Variants in SHANK2 observed in about 807,000 individuals in gnomAD.
SHANK2 encodes SH3 and multiple ankyrin repeat domains protein 2.
A neutral mutation model predicts 133.7 loss-of-function variants in SHANK2; 43 were observed. The observed-to-expected ratio is 0.32, with a 90% CI of 0.25 to 0.41. The LOEUF is 0.41. Among genes scored for constraint, SHANK2 ranks in the 10% least tolerant of loss-of-function variants. The probability of loss-of-function intolerance (pLI) is 1.00; values close to 1 mark genes in which losing one functional copy is unlikely to be tolerated. For synonymous variants in SHANK2, 1,017 were observed against 952.8 expected (o/e 1.07, Z -1.24); for missense variants, 1,994 against 2,235.8 (o/e 0.89, Z 2.18).
intron 9 of SHANK2, among the ~76,000 whole-genome samples, chr11:71,069,557 T>C (rs1390163314): frequency 1.3e-5 from 2 of 152,216 alleles, no homozygotes; most frequent in African/African-American, 4.8e-5. Context: ...ACTGAGCATC[T>C]ACTATGTTCC....
At chr11:70,728,739 GA>G (rs1381478012) in intron 14 of SHANK2, among the ~76,000 whole-genome samples, 1 of 152,120 alleles carries the variant, frequency 6.6e-6, no homozygotes, top group Non-Finnish European at 1.5e-5. Flanking sequence ...TTGCTTTAAA[GA>G]AAAACAAAAA....
At chr11:70,608,097 C>A (rs893392160) in intron 17 of SHANK2, among the ~76,000 whole-genome samples, 5 of 152,192 alleles carry the variant, frequency 3.3e-5, no homozygotes, top group Non-Finnish European at 7.4e-5. Flanking sequence ...GGTAAATGTG[C>A]CAGCTGCTCT....
At position 71,110,022 on chromosome 11, in the gene SHANK2, T is replaced by C. The variant is rs1188511095; in HGVS notation, c.511A>G (p.Ile171Val). 6.4e-7 allele frequency: 1 copy of C among 1,551,514 alleles called. No individual in the cohort carries two copies. Among genetic ancestry groups the C allele is most frequent in the Non-Finnish European group, 8.7e-7 (1 of 1,146,730 alleles). ...ATCTTCTCCACCAAGCGATGCTGAATGTGATCCATGCATTTCTTCAGATTG... is the reference window on the plus strand; with the variant it reads ...ATCTTCTCCACCAAGCGATGCTGAACGTGATCCATGCATTTCTTCAGATTG... Reference protein sequence around the residue: ...KTNLKKCMDHIQHRLVEKITK... With the variant: ...KTNLKKCMDHVQHRLVEKITK... Residue 171 changes from isoleucine (I) to valine (V), a missense_variant, in exon 6 of 26, where the codon ATT (isoleucine) becomes GTT (valine). Coordinates refer to ENST00000601538, the MANE Select transcript of SHANK2 (RefSeq NM_012309.5).
At chr11:70,585,081 C>T (rs115857869) in intron 17 of SHANK2, among the ~76,000 whole-genome samples, 1,976 of 152,322 alleles carry the variant, frequency 0.013, 52 homozygotes, top group African/African-American at 0.045. Flanking sequence ...TGGTGAATAC[C>T]GCCTCGCAGC....
intron 17 of SHANK2, among the ~76,000 whole-genome samples, chr11:70,567,293 T>C (rs968256732): frequency 6.6e-6 from 1 of 152,162 alleles, no homozygotes; most frequent in Non-Finnish European, 1.5e-5. Flanking sequence ...AAGGACATCA[T>C]GAGGATGAGC....
intron 12 of SHANK2, among the ~76,000 whole-genome samples, chr11:70,813,604 T>C (rs951279659): frequency 4.6e-5 from 7 of 151,952 alleles, no homozygotes; most frequent in Non-Finnish European, 8.8e-5. Flanking sequence ...ACGCAGAAGA[T>C]GGCAGTAGGG....
intron 16 of SHANK2, 44 bp downstream of exon 16, chr11:70,661,552 C>CACACACACACAAAA (rs2061491385): frequency 8.2e-7 from 1 of 1,225,416 alleles, no homozygotes; most frequent in Non-Finnish European, 1.2e-6. Context: ...CACACACACA[C>CACACACACACAAAA]ACAAACATGG....
chr11:70,790,134 G>T (rs1947757163), intron 14 of SHANK2, among the ~76,000 whole-genome samples: 1 of 152,232 alleles, frequency 6.6e-6, no homozygotes, highest in East Asian at 1.9e-4. Context: ...ATCAACAGGG[G>T]CACCCCTGAT....
At chr11:71,144,341 T>G (rs1952607700) in intron 3 of SHANK2, among the ~76,000 whole-genome samples, 1 of 152,192 alleles carries the variant, frequency 6.6e-6, no homozygotes, top group African/African-American at 2.4e-5. Context: ...AACCTCCTCA[T>G]GAAACCAGGG....
intron 2 of SHANK2, among the ~76,000 whole-genome samples, chr11:71,219,983 G>A (rs1419791408): frequency 1.3e-5 from 2 of 152,056 alleles, no homozygotes; most frequent in Admixed American, 6.6e-5. Context: ...TAGCACTTGG[G>A]GAAGCTGAGG....
intron 14 of SHANK2, among the ~76,000 whole-genome samples, chr11:70,717,031 A>C (rs1945945712): frequency 6.6e-6 from 1 of 152,176 alleles, no homozygotes; most frequent in Non-Finnish European, 1.5e-5. Context: ...GCAAACGCAC[A>C]GGGTGTTTCT....
At chr11:70,948,059 G>C (rs1167420351) in intron 10 of SHANK2, among the ~76,000 whole-genome samples, 6 of 151,800 alleles carry the variant, frequency 4.0e-5, no homozygotes, top group African/African-American at 1.5e-4. Flanking sequence ...GCCTTTGCAC[G>C]TGTCAGCCCC....
rs971962703 is a variant in SHANK2 at position 71,087,955 on chromosome 11, G to A, written c.912+4467C>T. Among the ~76,000 whole-genome samples the A allele has an allele frequency of 4.8e-3, 726 of 152,264 alleles. 1 individual carries two copies. The highest frequency in any genetic ancestry group is 8.0e-3 in the Non-Finnish European group (541 of 68,016). On this transcript the variant is annotated intron_variant, in intron 8 of 25. Transcript: ENST00000601538. ...CATTTGACTATTTTTACAAAGAGAC[G>A]CCTCTGTCCTGTGCCTGGAGGACTC...
chr11:70,580,921 C>A (rs1284606906), intron 17 of SHANK2, among the ~76,000 whole-genome samples: 1 of 152,210 alleles, frequency 6.6e-6, no homozygotes, highest in African/African-American at 2.4e-5. Context: ...TGGGTATACA[C>A]CCCACACTCC....
At chr11:70,696,274 G>A (rs1945389722) in intron 15 of SHANK2, among the ~76,000 whole-genome samples, 1 of 152,162 alleles carries the variant, frequency 6.6e-6, no homozygotes, top group African/African-American at 2.4e-5. Flanking sequence ...TGGCCCTGCT[G>A]TTAGCCATGT....
At chr11:71,082,850 C>T (rs962246389) in intron 8 of SHANK2, among the ~76,000 whole-genome samples, 1 of 152,202 alleles carries the variant, frequency 6.6e-6, no homozygotes, top group African/African-American at 2.4e-5. Context: ...ACTGATGTCA[C>T]ACCCATTGCA....
chr11:70,924,197 A>G (rs1950394138), intron 10 of SHANK2, among the ~76,000 whole-genome samples: 1 of 152,158 alleles, frequency 6.6e-6, no homozygotes, highest in Admixed American at 6.5e-5. Flanking sequence ...CAGAGTCCCC[A>G]GGAGTCCCTC....
chr11:70,713,567 C>T (rs1159363978), intron 14 of SHANK2, among the ~76,000 whole-genome samples: 1 of 152,202 alleles, frequency 6.6e-6, no homozygotes, highest in East Asian at 1.9e-4. Flanking sequence ...GGCTCAGTTG[C>T]ATGTTCCACT....
intron 2 of SHANK2, among the ~76,000 whole-genome samples, chr11:71,203,762 A>G (rs929564781): frequency 6.6e-6 from 1 of 152,192 alleles, no homozygotes; most frequent in Non-Finnish European, 1.5e-5. Flanking sequence ...TGGGGACCCC[A>G]GGCCACATGG....
Sources: allele counts gnomAD v4.1 joint callset (sites outside exome capture counted in the v4.1 genomes callset), GRCh38; gene constraint gnomAD v4.1.1; transcripts MANE v1.5; gene names NCBI Gene and HGNC (gene_info 2026-07-23, HGNC 2026-07-21).